Variants in UMOD observed in about 807,000 individuals in gnomAD.
The protein encoded by UMOD is uromodulin.
A neutral mutation model predicts 66.0 loss-of-function variants in UMOD; 64 were observed. That is an observed-to-expected ratio of 0.97 (90% CI 0.79 to 1.19). The LOEUF is 1.19. Among genes scored for constraint, UMOD ranks in the 50% most tolerant of loss-of-function variants. UMOD has a pLI of 0.00. For missense variants in UMOD, 764 were observed against 850.9 expected (o/e 0.90, Z 1.27); for synonymous variants, 398 against 352.7 (o/e 1.13, Z -1.44).
intron 2 of UMOD, among the ~76,000 whole-genome samples, chr16:20,350,290 T>C (rs1053701633): frequency 6.6e-6 from 1 of 152,156 alleles, no homozygotes; most frequent in Non-Finnish European, 1.5e-5. Flanking sequence ...TCCTATGTGA[T>C]AGAGTATGTT....
intron 5 of UMOD, among the ~76,000 whole-genome samples, chr16:20,344,427 AC>A (rs1965421657): frequency 2.0e-5 from 3 of 151,760 alleles, no homozygotes; most frequent in Admixed American, 2.0e-4. Context: ...ATATGGTGAA[AC>A]CCTGTCTCTA....
At chr16:20,336,801 T>G (rs1256934131) in intron 8 of UMOD, 74 bp from the exon 9 acceptor site, 1 of 1,383,578 alleles carries the variant, frequency 7.2e-7, no homozygotes, top group Non-Finnish European at 1.0e-6. Flanking sequence ...TGGAGTGGAC[T>G]GCCCACCTCA....
At position 20,350,639 on chromosome 16, in the gene UMOD, T is replaced by C. The variant is rs748028127; in HGVS notation, c.88+11A>G. ...ACACACATATACAACGCACACACAC[T>C]TTTCACTTACTTGCTTCTGAGGTGT... On this transcript the variant is annotated intron_variant, in intron 2 of 10. Transcript: ENST00000396138. The C allele has an allele frequency of 6.2e-7, 1 of 1,613,890 alleles. No individual in the cohort carries two copies. Among genetic ancestry groups the C allele is most frequent in the Non-Finnish European group, 8.5e-7 (1 of 1,179,996 alleles).
intron 1 of UMOD, chr16:20,351,310 C>T (rs944577789): frequency 2.2e-5 from 4 of 179,234 alleles, no homozygotes; most frequent in South Asian, 1.3e-4. Flanking sequence ...ACTCACATAT[C>T]GTAAAGAAGT....
chr16:20,343,298 T>C (rs1965347645), intron 6 of UMOD, among the ~76,000 whole-genome samples: 1 of 152,218 alleles, frequency 6.6e-6, no homozygotes, highest in South Asian at 2.1e-4. Flanking sequence ...GCACCCAGTA[T>C]GAATAGTTTA....
intron 2 of UMOD, among the ~76,000 whole-genome samples, chr16:20,350,430 C>T (rs1351122473): frequency 6.6e-6 from 1 of 152,202 alleles, no homozygotes; most frequent in Non-Finnish European, 1.5e-5. Context: ...TCAGGTCCTA[C>T]TGCAGATCTG....
intron 2 of UMOD, among the ~76,000 whole-genome samples, chr16:20,350,057 A>G (rs1176839320): frequency 6.6e-6 from 1 of 152,116 alleles, no homozygotes; most frequent in Non-Finnish European, 1.5e-5. Flanking sequence ...CAGAGGGATT[A>G]AGCCCCTTAC....
chr16:20,340,824 T>C (rs1179461444), intron 7 of UMOD, among the ~76,000 whole-genome samples: 1 of 151,870 alleles, frequency 6.6e-6, no homozygotes, highest in East Asian at 1.9e-4. Context: ...TGAAACCCCA[T>C]CTCTACTAAA....
chr16:20,346,122 G>A lies in UMOD; in HGVS notation c.1182+4C>T, dbSNP rs189979715. On this transcript the variant is annotated splice_donor_region_variant and intron_variant, in intron 5 of 10. Transcript: ENST00000396138. ...GGTTCTGTCCCCCACTGGCCAGGAC[G>A]TACCGTCAACACTGTCCCACAGGGG... 3.5e-5 allele frequency: 56 copies of A among 1,613,296 alleles called. No homozygotes were observed. Among genetic ancestry groups the A allele is most frequent in the Admixed American group, 1.8e-4 (11 of 60,032 alleles).
chr16:20,340,972 C>T (rs569832713), intron 7 of UMOD, 119 bp downstream of exon 7: 20 of 1,206,160 alleles, frequency 1.7e-5, no homozygotes, highest in South Asian at 8.1e-5. Context: ...CCAACCTTGG[C>T]GACAGAGCAA....
At chr16:20,338,613 C>A (rs942058772) in intron 7 of UMOD, among the ~76,000 whole-genome samples, 1 of 151,720 alleles carries the variant, frequency 6.6e-6, no homozygotes, top group Non-Finnish European at 1.5e-5. Context: ...CCTGTCTCAG[C>A]CTCTTGAGTA....
rs1371263780 is a variant in UMOD at position 20,348,953 on chromosome 16, C to G, written c.348G>C (p.Gly116=). The change falls in exon 3 of 11, where the codon GGG becomes GGC. Residue 116 remains glycine, a synonymous_variant. Transcript: ENST00000396138. Reference sequence around the variant, plus strand: ...TGGCCAGGGCGTGGCAGTGGCTAAGCCCAGGCTCAGCGCACTCATCCACGT... The same window carrying G: ...TGGCCAGGGCGTGGCAGTGGCTAAGGCCAGGCTCAGCGCACTCATCCACGT... ...CTDVDECAEP[G]LSHCHALATC... 1 of 1,573,742 alleles carries G rather than the reference C, an allele frequency of 6.4e-7. No homozygotes were observed. Among genetic ancestry groups the G allele is most frequent in the Non-Finnish European group, 8.6e-7 (1 of 1,159,770 alleles).
chr16:20,333,242 G>A lies in UMOD; in HGVS notation c.*72C>T, dbSNP rs1964685965. 4 of 1,459,476 alleles carry A rather than the reference G, an allele frequency of 2.7e-6. No individual in the cohort carries two copies. Among genetic ancestry groups the A allele is most frequent in the Non-Finnish European group, 3.8e-6 (4 of 1,051,114 alleles). 90.4% of individuals were successfully genotyped at this position (1,459,476 alleles called of 1,614,324 possible). A position where few individuals can be genotyped will look rare whatever the true frequency, so the allele number is the denominator to read the frequency against. On this transcript the variant is annotated 3_prime_UTR_variant, in exon 11 of 11. Coordinates refer to ENST00000396138, the MANE Select transcript of UMOD (RefSeq NM_003361.4). ...CTTTCTTTTCTGTGGCTGGAGCACT[G>A]GCCCGCATCATGCCCCCTGCCCAGC...
chr16:20,339,491 G>GCAAA, intron 7 of UMOD, among the ~76,000 whole-genome samples: 1 of 152,308 alleles, frequency 6.6e-6, no homozygotes, highest in South Asian at 2.1e-4. Context: ...TATTAAGTTT[G>GCAAA]AGTTAGACTC....
intron 3 of UMOD, 53 bp from the exon 4 acceptor site, chr16:20,348,383 C>T (rs1965704401): frequency 2.5e-6 from 4 of 1,614,042 alleles, no homozygotes; most frequent in Admixed American, 1.7e-5. Flanking sequence ...CCCCCGTCCT[C>T]TGCAGTGCCT....
rs147356761 is a variant in UMOD at position 20,349,726 on chromosome 16, G to A, written c.89-514C>T. 145 of 1,530,568 alleles carry A rather than the reference G, an allele frequency of 9.5e-5. No individual in the cohort carries two copies. In the African/African-American group the frequency reaches 1.9e-3, roughly 20 times the overall value. The allele number at this position is 1,530,568 out of a possible 1,614,324, so 94.8% of individuals were successfully genotyped here. A position where few individuals can be genotyped will look rare whatever the true frequency, so the allele number is the denominator to read the frequency against. On this transcript the variant is annotated intron_variant, in intron 2 of 10. Coordinates refer to ENST00000396138, the MANE Select transcript of UMOD (RefSeq NM_003361.4). Reference sequence around the variant, plus strand: ...CCTATACTTTGGTAGGATTTACGGTGAACCTGTTGCCCCTCCCTTTCTTTG... The same window carrying A: ...CCTATACTTTGGTAGGATTTACGGTAAACCTGTTGCCCCTCCCTTTCTTTG...
chr16:20,337,593 C>A, intron 7 of UMOD, 140 bp from the exon 8 acceptor site: 1 of 984,974 alleles, frequency 1.0e-6, no homozygotes, highest in Non-Finnish European at 1.5e-6. Flanking sequence ...ACCTCAATTT[C>A]TCCATCTGTA....
intron 1 of UMOD, 81 bp downstream of exon 1, chr16:20,352,607 AG>A: frequency 1.8e-6 from 2 of 1,099,264 alleles, no homozygotes; most frequent in Non-Finnish European, 2.3e-6. Flanking sequence ...CCAGTGTCCA[AG>A]GTCTTAATTT....
At position 20,348,797 on chromosome 16, in the gene UMOD, G is replaced by T. The variant is rs369454700; in HGVS notation, c.504C>A (p.Leu168=). 1.4e-5 allele frequency: 22 copies of T among 1,544,614 alleles called. No homozygotes were observed. Among genetic ancestry groups the T allele is most frequent in the Non-Finnish European group, 1.9e-5 (22 of 1,146,284 alleles). The part of the protein sequence containing the change: ...GLDCVPEGDA[L]VCADPCQAHR... ...GCGCCTGGCACGGATCCGCGCACAC[G>T]AGCGCGTCGCCCTCGGGCACGCAGT... Residue 168 remains leucine, a synonymous_variant, in exon 3 of 11, where the codon CTC becomes CTA. Coordinates refer to ENST00000396138, the MANE Select transcript of UMOD (RefSeq NM_003361.4).
Sources: gnomAD v4.1 joint callset for allele counts (sites outside exome capture counted in the v4.1 genomes callset) on GRCh38, gnomAD v4.1.1 for gene constraint, MANE v1.5 for transcripts, NCBI Gene and HGNC (gene_info 2026-07-23, HGNC 2026-07-21) for gene names.